Variants in LGALS3BP observed in about 807,000 individuals in gnomAD.
LGALS3BP encodes the protein galectin-3-binding protein.
Under a neutral mutation model 22.9 loss-of-function variants are expected in LGALS3BP, and 25 were observed. The observed-to-expected ratio is 1.09, with a 90% CI of 0.80 to 1.53. The LOEUF (loss-of-function observed/expected upper bound fraction) is 1.53, where lower values mean the gene tolerates loss of function less well. Ranked by LOEUF, LGALS3BP falls within the 40% of genes most tolerant of loss-of-function variation. The probability of loss-of-function intolerance (pLI) is 0.00; values close to 1 mark genes in which losing one functional copy is unlikely to be tolerated. For missense variants in LGALS3BP, 718 were observed against 752.0 expected, an observed-to-expected ratio of 0.95 and a Z score of 0.53; for synonymous variants, 335 against 331.1, an observed-to-expected ratio of 1.01 and a Z score of -0.13.
Position 78,973,020 on chromosome 17 carries a change from G to A in LGALS3BP, c.579C>T (p.Val193=), listed in dbSNP as rs746792769. 14 of 1,613,810 alleles carry A rather than the reference G, an allele frequency of 8.7e-6. 1 individual carries two copies. Among genetic ancestry groups the A allele is most frequent in the South Asian group, 5.5e-5 (5 of 91,054 alleles). The change falls in exon 5 of 6, where the codon GTC becomes GTT. Residue 193 remains valine (V), a synonymous_variant. Coordinates refer to ENST00000262776, the MANE Select transcript of LGALS3BP (RefSeq NM_005567.4). The surrounding 1 kb of genome is among the most constrained non-coding windows in gnomAD (Gnocchi z 5.8). The part of the protein sequence containing the change: ...QALWKEPGSN[V]TMSVDAECVP... ...CACACTCAGCATCCACACTCATGGT[G>A]ACATTGCTGCCCGGCTCCTTCCACA...
At chr17:78,974,608 G>A in intron 4 of LGALS3BP, 80 bp downstream of exon 4, 1 of 1,490,320 alleles carries the variant, frequency 6.7e-7, no homozygotes. Flanking sequence ...TGTGCGTGGG[G>A]GGGTGGTGCT....
Position 78,972,804 on chromosome 17 carries a change from G to T in LGALS3BP, c.630-100C>A. The T allele has an allele frequency of 6.9e-7, 1 of 1,452,968 alleles. No homozygotes were observed. The allele number at this position is 1,452,968 out of a possible 1,614,324, so 90.0% of individuals were successfully genotyped here. On this transcript the variant is annotated intron_variant, in intron 5 of 5. Transcript: ENST00000262776. This position sits in a 1 kb window ranked among gnomAD's most constrained non-coding sequence, Gnocchi z 5.1. ...AGCCACCTGAGTGCACACAGTGTGG[G>T]AGTGAGCATGCGTGTGTGTGCAACT...
At position 78,972,606 on chromosome 17, in the gene LGALS3BP, C is replaced by T. The variant is rs2070683845; in HGVS notation, c.728G>A (p.Cys243Tyr). Residue 243 changes from cysteine (C) to tyrosine (Y), a missense_variant, in exon 6 of 6, where the codon TGC (cysteine) becomes TAC (tyrosine). By Grantham distance (194) the Cys-to-Tyr change is radical. Coordinates refer to ENST00000262776, the MANE Select transcript of LGALS3BP (RefSeq NM_005567.4). The surrounding 1 kb of genome is among the most constrained non-coding windows in gnomAD (Gnocchi z 5.1). Reference sequence around the variant, plus strand: ...GAGGAGGATGGCAAAGAGGCTTGCGCAGTAGCCCTGCAGCTGCCTGGCCCC... The same window carrying T: ...GAGGAGGATGGCAAAGAGGCTTGCGTAGTAGCCCTGCAGCTGCCTGGCCCC... ...AYGARQLQGY[C>Y]ASLFAILLPQ... is the part of the protein sequence containing the mutation. The T allele has an allele frequency of 6.3e-7, 1 of 1,584,278 alleles. No homozygotes were observed. The highest frequency in any genetic ancestry group is 8.6e-7 in the Non-Finnish European group (1 of 1,162,996).
At chr17:78,979,323 C>T (rs1023800016) in intron 1 of LGALS3BP, 3 of 152,352 alleles carry the variant, frequency 2.0e-5, no homozygotes, top group Admixed American at 6.5e-5. Flanking sequence ...AGTGAGTAAT[C>T]TGCCCAACTG....
chr17:78,972,198 T>C lies in LGALS3BP; in HGVS notation c.1136A>G (p.Gln379Arg). Reference protein sequence around the residue: ...HEALFQKKTLQALEFHTVPFQ... With the variant: ...HEALFQKKTLRALEFHTVPFQ... The stretch of plus-strand genomic sequence containing the variant: ...GGGCACAGTGTGGAATTCCAGGGCC[T>C]GCAGAGTCTTCTTCTGGAACAGGGC... Residue 379 changes from glutamine (Q) to arginine (R), a missense_variant, in exon 6 of 6, where the codon CAG becomes CGG. Physicochemically the swap from Gln to Arg is conservative, Grantham distance 43 (BLOSUM62 1). Transcript: ENST00000262776. This position sits in a 1 kb window ranked among gnomAD's most constrained non-coding sequence, Gnocchi z 5.1. 6.2e-7 allele frequency: 1 copy of C among 1,613,996 alleles called. No individual in the cohort carries two copies. Among genetic ancestry groups the C allele is most frequent in the Non-Finnish European group, 8.5e-7 (1 of 1,180,012 alleles).
chr17:78,973,289 T>C lies in LGALS3BP; in HGVS notation c.377-67A>G, dbSNP rs2070691859. 6.3e-6 allele frequency: 9 copies of C among 1,426,926 alleles called. No individual in the cohort carries two copies. The highest frequency in any genetic ancestry group is 8.3e-6 in the Non-Finnish European group (9 of 1,088,646). 88.4% of individuals were successfully genotyped at this position (1,426,926 alleles called of 1,614,324 possible). A position where few individuals can be genotyped will look rare whatever the true frequency, so the allele number is the denominator to read the frequency against. On this transcript the variant is annotated intron_variant, in intron 4 of 5. Coordinates refer to ENST00000262776, the MANE Select transcript of LGALS3BP (RefSeq NM_005567.4). The surrounding 1 kb of genome is among the most constrained non-coding windows in gnomAD (Gnocchi z 5.8). The stretch of plus-strand genomic sequence containing the variant: ...GGGCACTGCCACTCTCTGGGGTCAG[T>C]GTCTTCATCTGAAAGTGAGGGATTT...
chr17:78,971,502 G>A lies in LGALS3BP; in HGVS notation c.*74C>T, dbSNP rs2070669298. ...GTTGAAGGTCATTGCAGAGAGGAAG[G>A]AAGCCGAGGAGGGGAGCCTGCAGTG... On this transcript the variant is annotated 3_prime_UTR_variant, in exon 6 of 6. Coordinates refer to ENST00000262776, the MANE Select transcript of LGALS3BP (RefSeq NM_005567.4). The surrounding 1 kb of genome is among the most constrained non-coding windows in gnomAD (Gnocchi z 5.6). 1 of 1,403,034 alleles carries A rather than the reference G, an allele frequency of 7.1e-7. No homozygotes were observed. Among genetic ancestry groups the A allele is most frequent in the Non-Finnish European group, 9.7e-7 (1 of 1,027,562 alleles). 86.9% of individuals were successfully genotyped at this position (1,403,034 alleles called of 1,614,324 possible).
At position 78,972,078 on chromosome 17, in the gene LGALS3BP, G is replaced by C. The variant is rs974632022; in HGVS notation, c.1256C>G (p.Thr419Arg). The change falls in exon 6 of 6, where the codon ACA (threonine) becomes AGA (arginine). Residue 419 changes from threonine to arginine, a missense_variant. Thr to Arg is a moderately conservative substitution (Grantham distance 71, BLOSUM62 -1). Transcript: ENST00000262776. This position sits in a 1 kb window ranked among gnomAD's most constrained non-coding sequence, Gnocchi z 5.1. Reference sequence around the variant, plus strand: ...CTTCCGTGCACTCCAGGAACTGTCTGTCACAAAGGCACTCCAGGTGGGCGA... The same window carrying C: ...CTTCCGTGCACTCCAGGAACTGTCTCTCACAAAGGCACTCCAGGTGGGCGA... ...YTSPTWSAFV[T>R]DSSWSARKSQ... 6.2e-6 allele frequency: 10 copies of C among 1,613,764 alleles called. No individual in the cohort carries two copies. Among genetic ancestry groups the C allele is most frequent in the Middle Eastern group, 3.3e-4 (2 of 6,062 alleles).
rs749155942 is a variant in LGALS3BP, at chr17:78,976,102, C to G, written c.107G>C (p.Arg36Pro). Residue 36 changes from arginine to proline, a missense_variant, in exon 3 of 6, where the codon CGC becomes CCC. Transcript: ENST00000262776. The surrounding 1 kb of genome is among the most constrained non-coding windows in gnomAD (Gnocchi z 4.6). ...LADGGATNQGRVEIFYRGQWG... is the reference protein window; with the variant it reads ...LADGGATNQGPVEIFYRGQWG... ...CTGGCCTCTGTAGAAGATCTCCACG[C>G]GGCCCTGGTTGGTGGCGCCCCCATC... 11 of 1,604,056 alleles carry G rather than the reference C, an allele frequency of 6.9e-6. No homozygotes were observed. The African/African-American group carries it at 1.3e-4, about 20-fold the overall frequency.
At chr17:78,977,760 G>A (rs1205311435) in intron 1 of LGALS3BP, among the ~76,000 whole-genome samples, 1 of 152,204 alleles carries the variant, frequency 6.6e-6, no homozygotes, top group Non-Finnish European at 1.5e-5. Context: ...CAGAATCCGG[G>A]CGAGGGGTGA....
In LGALS3BP at chr17:78,972,352, A is replaced by G. The variant is rs780891202; in HGVS notation, c.982T>C (p.Trp328Arg). 7 of 1,613,472 alleles carry G rather than the reference A, an allele frequency of 4.3e-6. No individual in the cohort carries two copies. The South Asian group carries it at 6.6e-5, about 15-fold the overall frequency. The change falls in exon 6 of 6, where the codon TGG (tryptophan) becomes CGG (arginine). Residue 328 changes from tryptophan to arginine, a missense_variant. Physicochemically the swap from Trp to Arg is moderately radical, Grantham distance 101 (BLOSUM62 -3). Coordinates refer to ENST00000262776, the MANE Select transcript of LGALS3BP (RefSeq NM_005567.4). This position sits in a 1 kb window ranked among gnomAD's most constrained non-coding sequence, Gnocchi z 5.1. ...ELALLKAVDT[W>R]SWGERASHEE... ...TGGGAGGCACGCTCCCCCCAGCTCC[A>G]GGTGTCCACGGCCTTCAGTAGGGCC...
intron 4 of LGALS3BP, 151 bp downstream of exon 4, chr17:78,974,537 C>T (rs368397984): frequency 2.1e-5 from 18 of 840,028 alleles, no homozygotes; most frequent in East Asian, 8.1e-5. Context: ...GCTCTTGGGA[C>T]GTCTGGGCCT....
chr17:78,972,674 G>A lies in LGALS3BP; in HGVS notation c.660C>T (p.Thr220=). The A allele has an allele frequency of 1.3e-6, 2 of 1,521,288 alleles. No homozygotes were observed. The highest frequency in any genetic ancestry group is 1.8e-6 in the Non-Finnish European group (2 of 1,134,776). The allele number at this position is 1,521,288 out of a possible 1,614,324, so 94.2% of individuals were successfully genotyped here. ...TGTGGAAGCACTTGACTGACGACAG[G>A]GTGATGTCAATCCTTCGGGAGTAGA... ...RYFYSRRIDI[T]LSSVKCFHKL... is the part of the protein sequence containing the mutation. Residue 220 remains threonine, a synonymous_variant, in exon 6 of 6, where the codon ACC becomes ACT. Transcript: ENST00000262776. The surrounding 1 kb of genome is among the most constrained non-coding windows in gnomAD (Gnocchi z 5.1).
chr17:78,977,169 C>G lies in LGALS3BP; in HGVS notation c.23G>C (p.Trp8Ser). The G allele has an allele frequency of 6.2e-7, 1 of 1,613,414 alleles. No homozygotes were observed. The highest frequency in any genetic ancestry group is 1.1e-5 in the South Asian group (1 of 91,090). The change falls in exon 2 of 6, where the codon TGG (tryptophan) becomes TCG (serine). Residue 8 changes from tryptophan to serine, a missense_variant. Trp to Ser is a radical substitution (Grantham distance 177). Transcript: ENST00000262776. ...GGTTCCTGCAACCAGCAGCCACACCCAGAAGAGCCTCGGAGGGGTCATGGC... is the reference window on the plus strand; with the variant it reads ...GGTTCCTGCAACCAGCAGCCACACCGAGAAGAGCCTCGGAGGGGTCATGGC... MTPPRLFWVWLLVAGTQG... is the reference protein window; with the variant it reads MTPPRLFSVWLLVAGTQG...
At chr17:78,977,098 T>C (rs1487809141) in intron 2 of LGALS3BP, 42 bp downstream of exon 2, 1 of 1,608,152 alleles carries the variant, frequency 6.2e-7, no homozygotes, top group Admixed American at 1.7e-5. Flanking sequence ...GCACCAGCCT[T>C]CCACACTTCT....
At chr17:78,975,791 C>CAAAAAAAAA (rs60470107) in intron 3 of LGALS3BP, among the ~76,000 whole-genome samples, 174 bp downstream of exon 3, 2 of 52,248 alleles carry the variant, frequency 3.8e-5, no homozygotes, top group East Asian at 6.6e-4. Context: ...GACTCCATCT[C>CAAAAAAAAA]AAAAAAAAAA....
In LGALS3BP at chr17:78,972,125, G is replaced by C. The variant is rs373450170; in HGVS notation, c.1209C>G (p.Thr403=). The C allele has an allele frequency of 6.9e-5, 111 of 1,613,274 alleles. No individual in the cohort carries two copies. Among genetic ancestry groups the C allele is most frequent in the Non-Finnish European group, 9.2e-5 (109 of 1,179,472 alleles). Residue 403 remains threonine, a synonymous_variant, in exon 6 of 6, where the codon ACC becomes ACG. Coordinates refer to ENST00000262776, the MANE Select transcript of LGALS3BP (RefSeq NM_005567.4). The surrounding 1 kb of genome is among the most constrained non-coding windows in gnomAD (Gnocchi z 5.1). ...RYKGLNLTED[T]YKPRIYTSPT... ...GCGAGGTGTAAATCCGGGGCTTGTAGGTATCCTCGGTGAGGTTCAGGCCTT... is the reference window on the plus strand; with the variant it reads ...GCGAGGTGTAAATCCGGGGCTTGTACGTATCCTCGGTGAGGTTCAGGCCTT...
At chr17:78,977,359 G>C in intron 1 of LGALS3BP, 145 bp from the exon 2 acceptor site, 1 of 650,348 alleles carries the variant, frequency 1.5e-6, no homozygotes, top group Non-Finnish European at 2.6e-6. Flanking sequence ...TATGATCCCA[G>C]TAAGTGTGAC....
chr17:78,973,252 C>T lies in LGALS3BP; in HGVS notation c.377-30G>A, dbSNP rs1276210488. The T allele has an allele frequency of 1.1e-5, 16 of 1,474,886 alleles. No individual in the cohort carries two copies. Among genetic ancestry groups the T allele is most frequent in the South Asian group, 1.3e-5 (1 of 76,150 alleles). The allele number at this position is 1,474,886 out of a possible 1,614,324, so 91.4% of individuals were successfully genotyped here. On this transcript the variant is annotated intron_variant, in intron 4 of 5. Coordinates refer to ENST00000262776, the MANE Select transcript of LGALS3BP (RefSeq NM_005567.4). The surrounding 1 kb of genome is among the most constrained non-coding windows in gnomAD (Gnocchi z 5.8). ...GAAGGGGCGGGAGGGAAGTGGGCTG[C>T]GTTAGGAGCCGGGGCACTGCCACTC... is the stretch of plus-strand genomic sequence containing the variant.
Sources: gnomAD v4.1 joint callset for allele counts (sites outside exome capture counted in the v4.1 genomes callset) on GRCh38, gnomAD v4.1.1 for gene constraint, Gnocchi (gnomAD v3.1) non-coding constraint, MANE v1.5 for transcripts, NCBI Gene and HGNC (gene_info 2026-07-23, HGNC 2026-07-21) for gene names.